TRPM3: variants seen among roughly 807,000 people sequenced by gnomAD.
TRPM3 encodes long transient receptor potential channel 3.
Under a neutral mutation model 181.2 loss-of-function variants are expected in TRPM3, and 77 were observed. The observed-to-expected ratio is 0.42, with a 90% confidence interval of 0.35 to 0.51. TRPM3 has a LOEUF of 0.51. Ranked by LOEUF, TRPM3 falls within the 20% of genes least tolerant of loss-of-function variation. TRPM3 has a pLI of 0.01. For missense variants in TRPM3, 1,759 were observed against 2,196.7 expected (o/e 0.80, Z 3.98); for synonymous variants, 745 against 796.4 (o/e 0.94, Z 1.09).
chr9:70,854,067 G>A (rs531779457), intron 3 of TRPM3, among the ~76,000 whole-genome samples: 3 of 152,210 alleles, frequency 2.0e-5, no homozygotes, highest in South Asian at 4.2e-4. Flanking sequence ...GCTCATAAAT[G>A]GACGTGCCCA....
At chr9:71,172,921 C>T (rs2134822600) in intron 1 of TRPM3, among the ~76,000 whole-genome samples, 1 of 152,272 alleles carries the variant, frequency 6.6e-6, no homozygotes, top group South Asian at 2.1e-4. Flanking sequence ...ATCTAAAATG[C>T]AGAGGCATCT....
At chr9:70,909,704 AG>A (rs762594590) in intron 1 of TRPM3, among the ~76,000 whole-genome samples, 1 of 152,226 alleles carries the variant, frequency 6.6e-6, no homozygotes, top group Non-Finnish European at 1.5e-5. Context: ...AAGATTTTCA[AG>A]GGGCCAATAA....
chr9:71,081,850 T>C (rs1024810628), intron 1 of TRPM3, among the ~76,000 whole-genome samples: 52 of 152,320 alleles, frequency 3.4e-4, no homozygotes, highest in African/African-American at 1.2e-3. Flanking sequence ...ACATCTGTCT[T>C]ACATTCTGGC....
chr9:71,187,069 G>T (rs879700713), intron 1 of TRPM3, among the ~76,000 whole-genome samples: 1 of 151,948 alleles, frequency 6.6e-6, no homozygotes, highest in Admixed American at 6.6e-5. Flanking sequence ...TAGTATGTTT[G>T]ATACCAACAA....
chr9:70,879,924 G>A (rs2095953484), intron 1 of TRPM3, among the ~76,000 whole-genome samples: 1 of 152,046 alleles, frequency 6.6e-6, no homozygotes, highest in South Asian at 2.1e-4. Context: ...ACACACACAT[G>A]CATGTGGTTT....
intron 1 of TRPM3, among the ~76,000 whole-genome samples, chr9:71,042,191 AGTT>A (rs948307016): frequency 2.0e-5 from 3 of 151,968 alleles, no homozygotes; most frequent in Non-Finnish European, 4.4e-5. Flanking sequence ...AGAATATTGA[AGTT>A]GTTATTTGAA....
chr9:70,838,070 T>C (rs769270170), intron 5 of TRPM3, among the ~76,000 whole-genome samples: 8 of 152,164 alleles, frequency 5.3e-5, no homozygotes, highest in Non-Finnish European at 8.8e-5. Flanking sequence ...TCATAGAAGT[T>C]GTATGAAGAC....
intron 1 of TRPM3, among the ~76,000 whole-genome samples, chr9:71,007,608 C>T (rs1372862285): frequency 6.6e-6 from 1 of 152,012 alleles, no homozygotes; most frequent in Non-Finnish European, 1.5e-5. Context: ...AAACAACATG[C>T]TCTTGAACAA....
chr9:71,015,155 G>A (rs1485745713), intron 1 of TRPM3, among the ~76,000 whole-genome samples: 1 of 151,970 alleles, frequency 6.6e-6, no homozygotes, highest in Admixed American at 6.6e-5. Flanking sequence ...ACCATAGATG[G>A]GCTACTGTTT....
intron 1 of TRPM3, among the ~76,000 whole-genome samples, chr9:70,884,506 C>T (rs947578910): frequency 6.6e-6 from 1 of 151,986 alleles, no homozygotes; most frequent in Non-Finnish European, 1.5e-5. Context: ...GCAAAGTGTG[C>T]GTGTGTGTGT....
chr9:70,661,597 G>C (rs888364412), intron 9 of TRPM3, among the ~76,000 whole-genome samples: 19 of 152,014 alleles, frequency 1.2e-4, no homozygotes, highest in Non-Finnish European at 2.2e-4. Context: ...AAAGTCTCAG[G>C]ATACAAAATC....
chr9:70,570,963 A>T (rs183150567), intron 22 of TRPM3, among the ~76,000 whole-genome samples: 437 of 152,236 alleles, frequency 2.9e-3, no homozygotes, highest in African/African-American at 9.7e-3. Flanking sequence ...ATTTTGGAAG[A>T]GATAATGAGG....
chr9:71,269,079 GT>G (rs2083597244), intron 1 of TRPM3, among the ~76,000 whole-genome samples: 1 of 152,116 alleles, frequency 6.6e-6, no homozygotes, highest in Non-Finnish European at 1.5e-5. Flanking sequence ...CCAAGATACA[GT>G]TTTTGAACTC....
rs574897171 is a variant in TRPM3, at chr9:70,635,067, A to G, written c.1632+144T>C. The G allele has an allele frequency of 1.9e-3, 1,184 of 631,838 alleles. 9 individuals are homozygous for G. Among genetic ancestry groups the G allele is most frequent in the African/African-American group, 0.019 (1,011 of 54,302 alleles). 39.1% of individuals were successfully genotyped at this position (631,838 alleles called of 1,614,324 possible). A position where few individuals can be genotyped will look rare whatever the true frequency, so the allele number is the denominator to read the frequency against. On this transcript the variant is annotated intron_variant, in intron 12 of 25. Coordinates refer to ENST00000677713, the MANE Select transcript of TRPM3 (RefSeq NM_001366145.2). ...TCAGAGTTAAAAGACACATACACAC[A>G]CACACACACACACACTGTTCTGAAA...
chr9:70,683,470 G>A (rs2065999478), intron 8 of TRPM3, among the ~76,000 whole-genome samples: 3 of 59,398 alleles, frequency 5.1e-5, no homozygotes, highest in South Asian at 1.1e-3. Context: ...TAGAGATGGG[G>A]TTTCATTATG....
intron 1 of TRPM3, among the ~76,000 whole-genome samples, chr9:71,206,643 T>G (rs2203286): frequency 0.43 from 65,423 of 151,842 alleles, 14,458 homozygotes; most frequent in East Asian, 0.52. Flanking sequence ...TCATGTTTTA[T>G]TCATGAAGAC....
intron 1 of TRPM3, among the ~76,000 whole-genome samples, chr9:71,173,779 T>G (rs900895136): frequency 1.3e-5 from 2 of 152,198 alleles, no homozygotes; most frequent in African/African-American, 2.4e-5. Flanking sequence ...TGAATCAACT[T>G]TTAATTTGTT....
chr9:70,918,767 TC>T (rs1439950848), intron 1 of TRPM3, among the ~76,000 whole-genome samples: 1 of 151,772 alleles, frequency 6.6e-6, no homozygotes, highest in Non-Finnish European at 1.5e-5. Flanking sequence ...ATAATAAAGA[TC>T]AGAGCAGAAA....
Position 71,385,885 on chromosome 9 carries a change from G to T in TRPM3, c.183+60768C>A, listed in dbSNP as rs111864687. Among the ~76,000 whole-genome samples the T allele has an allele frequency of 5.6e-4, 85 of 151,522 alleles. 1 individual carries two copies. The highest frequency in any genetic ancestry group is 1.9e-3 in the African/African-American group (80 of 41,386). The stretch of plus-strand genomic sequence containing the variant: ...ACACCTGGCTAATTTTTTTTGGTGG[G>T]GGGTAGAGGCAGGGTTTCACCATGT... On this transcript the variant is annotated intron_variant, in intron 1 of 24. Coordinates refer to the TRPM3 transcript ENST00000357533.
Sources: allele counts gnomAD v4.1 joint callset (sites outside exome capture counted in the v4.1 genomes callset), GRCh38; gene constraint gnomAD v4.1.1; transcripts MANE v1.5; gene names NCBI Gene and HGNC (gene_info 2026-07-23, HGNC 2026-07-21).